GALNTL6: variants seen among roughly 807,000 people sequenced by gnomAD.
GALNTL6 encodes polypeptide N-acetylgalactosaminyltransferase-like 6.
A neutral mutation model predicts 73.7 loss-of-function variants in GALNTL6; 46 were observed. The observed-to-expected ratio is 0.62, with a 90% CI of 0.49 to 0.80. GALNTL6 has a LOEUF of 0.80. Ranked by LOEUF, GALNTL6 falls within the 30% of genes least tolerant of loss-of-function variation. The pLI is 0.00. For synonymous variants in GALNTL6, 259 were observed against 263.7 expected, an observed-to-expected ratio of 0.98 and a Z score of 0.17; for missense variants, 604 against 755.0, an observed-to-expected ratio of 0.80 and a Z score of 2.34.
At chr4:172,838,374 C>T (rs1278112339) in intron 7 of GALNTL6, among the ~76,000 whole-genome samples, 2 of 152,140 alleles carry the variant, frequency 1.3e-5, no homozygotes, top group African/African-American at 4.8e-5. Context: ...TCCAGACACG[C>T]AGTGTGTCCA....
chr4:172,109,967 A>G (rs1426526372), intron 2 of GALNTL6, among the ~76,000 whole-genome samples: 1 of 152,268 alleles, frequency 6.6e-6, no homozygotes, highest in Non-Finnish European at 1.5e-5. Context: ...CTTCTGAAAT[A>G]AAGAACTTGT....
At chr4:172,931,095 C>A in intron 8 of GALNTL6, 66 bp from the exon 9 acceptor site, 1 of 856,764 alleles carries the variant, frequency 1.2e-6, no homozygotes, top group Admixed American at 1.7e-5. Flanking sequence ...GTTTATGAGT[C>A]CTACTGATTA....
intron 8 of GALNTL6, among the ~76,000 whole-genome samples, chr4:172,906,926 T>G (rs537266783): frequency 6.6e-6 from 1 of 152,234 alleles, no homozygotes; most frequent in Non-Finnish European, 1.5e-5. Context: ...TAATTATATC[T>G]TCAAAACTTC....
intron 2 of GALNTL6, among the ~76,000 whole-genome samples, chr4:171,906,298 A>G (rs1248768594): frequency 6.6e-6 from 1 of 150,892 alleles, no homozygotes. Context: ...GCAATAAAAA[A>G]TGATAAAGGG....
chr4:172,903,932 T>G (rs1746752612), intron 8 of GALNTL6, among the ~76,000 whole-genome samples: 1 of 152,314 alleles, frequency 6.6e-6, no homozygotes, highest in African/African-American at 2.4e-5. Context: ...AATGATTCTA[T>G]CACCCAGGTA....
rs1384583936 is a variant in GALNTL6 at position 172,348,698 on chromosome 4, C to T, written c.553+9C>T. On this transcript the variant is annotated intron_variant, in intron 5 of 12. Coordinates refer to ENST00000506823, the MANE Select transcript of GALNTL6 (RefSeq NM_001034845.3). ...TGACTTCAGTGAGAGAGGTAAGATACAGTTGATAACATTTTATCTGATTCT... is the reference window on the plus strand; with the variant it reads ...TGACTTCAGTGAGAGAGGTAAGATATAGTTGATAACATTTTATCTGATTCT... 2 of 1,571,758 alleles carry T rather than the reference C, an allele frequency of 1.3e-6. No homozygotes were observed. Among genetic ancestry groups the T allele is most frequent in the Admixed American group, 3.5e-5 (2 of 56,798 alleles).
intron 7 of GALNTL6, among the ~76,000 whole-genome samples, chr4:172,822,245 A>C (rs1741973647): frequency 6.6e-6 from 1 of 152,290 alleles, no homozygotes; most frequent in East Asian, 1.9e-4. Context: ...GGTTCCTGGG[A>C]TAGCTTGGGC....
chr4:172,630,503 C>T (rs1303485529), intron 5 of GALNTL6, among the ~76,000 whole-genome samples: 1 of 152,004 alleles, frequency 6.6e-6, no homozygotes, highest in Admixed American at 6.5e-5. Context: ...ATCACATTGC[C>T]ACAGAAACTG....
At chr4:172,495,839 CA>C (rs1397477048) in intron 5 of GALNTL6, among the ~76,000 whole-genome samples, 1 of 152,050 alleles carries the variant, frequency 6.6e-6, no homozygotes, top group Non-Finnish European at 1.5e-5. Context: ...ACTAGAGTTT[CA>C]AATCTAAGGG....
chr4:172,526,596 CTG>C (rs1468529450), intron 5 of GALNTL6, among the ~76,000 whole-genome samples: 2 of 152,112 alleles, frequency 1.3e-5, no homozygotes, highest in African/African-American at 4.8e-5. Context: ...GGTTTTTAAT[CTG>C]TCTTTTCTTT....
intron 2 of GALNTL6, among the ~76,000 whole-genome samples, chr4:171,952,762 C>A (rs1208595601): frequency 1.3e-5 from 2 of 151,974 alleles, no homozygotes; most frequent in African/African-American, 2.4e-5. Context: ...AAATAAGGAT[C>A]ATTTCTTTTG....
chr4:172,800,279 C>G (rs1211121448), intron 5 of GALNTL6, among the ~76,000 whole-genome samples: 1 of 152,020 alleles, frequency 6.6e-6, no homozygotes, highest in East Asian at 1.9e-4. Flanking sequence ...ATTTTTTTGA[C>G]AACAACAAAG....
chr4:172,970,243 T>G (rs540251559), intron 10 of GALNTL6, among the ~76,000 whole-genome samples: 75 of 152,302 alleles, frequency 4.9e-4, no homozygotes, highest in African/African-American at 1.7e-3. Flanking sequence ...TGTGCATGTA[T>G]TGTCTTGATA....
chr4:172,294,745 T>G (rs1351619409), intron 3 of GALNTL6, among the ~76,000 whole-genome samples: 1 of 152,332 alleles, frequency 6.6e-6, no homozygotes, highest in South Asian at 2.1e-4. Flanking sequence ...AGATTCAACA[T>G]GATTAAAATG....
In GALNTL6 at chr4:172,880,221, A is replaced by G. The variant is rs142323213; in HGVS notation, c.924-2569A>G. On this transcript the variant is annotated intron_variant, in intron 7 of 12. Coordinates refer to ENST00000506823, the MANE Select transcript of GALNTL6 (RefSeq NM_001034845.3). Reference sequence around the variant, plus strand: ...AGTACACAAAGTTTATGGCAGTTTCATTTGTAATAGCCCCAAACTGCGAAC... The same window carrying G: ...AGTACACAAAGTTTATGGCAGTTTCGTTTGTAATAGCCCCAAACTGCGAAC... Among the ~76,000 whole-genome samples, 45 of 152,220 alleles carry G rather than the reference A, an allele frequency of 3.0e-4. No individual in the cohort carries two copies. The East Asian group carries it at 8.1e-3, about 27-fold the overall frequency.
rs1731835801 is a variant in GALNTL6, at chr4:172,441,469, G to A, written c.553+92780G>A. On this transcript the variant is annotated intron_variant, in intron 5 of 12. Coordinates refer to ENST00000506823, the MANE Select transcript of GALNTL6 (RefSeq NM_001034845.3). ...GCATGCACAGAGCAGTGACCCAGCTGAGGCCCAACAAGATGCTGCTCTGGT... is the reference window on the plus strand; with the variant it reads ...GCATGCACAGAGCAGTGACCCAGCTAAGGCCCAACAAGATGCTGCTCTGGT... Among the ~76,000 whole-genome samples, 2 of 152,144 alleles carry A rather than the reference G, an allele frequency of 1.3e-5. 1 individual carries two copies. Among genetic ancestry groups the A allele is most frequent in the South Asian group, 4.1e-4 (2 of 4,824 alleles).
At chr4:172,838,086 C>G (rs1727784504) in intron 7 of GALNTL6, among the ~76,000 whole-genome samples, 1 of 151,212 alleles carries the variant, frequency 6.6e-6, no homozygotes, top group Admixed American at 6.6e-5. Flanking sequence ...GCTCGCACAG[C>G]ATGGAAACAT....
At chr4:172,029,692 G>T (rs879907531) in intron 2 of GALNTL6, among the ~76,000 whole-genome samples, 1 of 151,974 alleles carries the variant, frequency 6.6e-6, no homozygotes. Context: ...CATCCCTAGT[G>T]GCTGTGACTC....
At chr4:172,277,164 A>T (rs1738861163) in intron 3 of GALNTL6, among the ~76,000 whole-genome samples, 1 of 151,906 alleles carries the variant, frequency 6.6e-6, no homozygotes, top group South Asian at 2.1e-4. Context: ...ATTCTTCCTC[A>T]GGGCATTTAC....
Sources: gnomAD v4.1 joint callset for allele counts (sites outside exome capture counted in the v4.1 genomes callset) on GRCh38, gnomAD v4.1.1 for gene constraint, MANE v1.5 for transcripts, NCBI Gene and HGNC (gene_info 2026-07-23, HGNC 2026-07-21) for gene names.